ZNF804B: variants seen among roughly 807,000 people sequenced by gnomAD.
ZNF804B encodes the protein zinc finger 804B.
A neutral mutation model predicts 101.4 loss-of-function variants in ZNF804B; 80 were observed. That is an observed-to-expected ratio of 0.79 (90% CI 0.66 to 0.95). ZNF804B has a LOEUF of 0.95. Ranked by LOEUF, ZNF804B falls within the 40% of genes least tolerant of loss-of-function variation. The probability of loss-of-function intolerance (pLI) is 0.00; values close to 1 mark genes in which losing one functional copy is unlikely to be tolerated. For missense variants in ZNF804B, 1,673 were observed against 1,561.9 expected, an observed-to-expected ratio of 1.07 and a Z score of -1.20; for synonymous variants, 622 against 558.8, an observed-to-expected ratio of 1.11 and a Z score of -1.59.
At chr7:88,848,839 C>G (rs1319824547) in intron 1 of ZNF804B, among the ~76,000 whole-genome samples, 1 of 151,854 alleles carries the variant, frequency 6.6e-6, no homozygotes, top group Non-Finnish European at 1.5e-5. Context: ...CATTGCTTGA[C>G]AAAGAGATTT....
chr7:89,264,621 A>G (rs762389835), intron 2 of ZNF804B, among the ~76,000 whole-genome samples: 7 of 152,126 alleles, frequency 4.6e-5, no homozygotes, highest in Admixed American at 1.3e-4. Flanking sequence ...AGTGCCTGTT[A>G]AATATCAGGA....
At chr7:89,016,685 C>G (rs1277911853) in intron 1 of ZNF804B, among the ~76,000 whole-genome samples, 2 of 151,982 alleles carry the variant, frequency 1.3e-5, no homozygotes, top group Admixed American at 1.3e-4. Flanking sequence ...CTGTTCTGTT[C>G]CATTGATTTA....
chr7:88,913,029 G>A (rs1402604709), intron 1 of ZNF804B, among the ~76,000 whole-genome samples: 3 of 152,068 alleles, frequency 2.0e-5, no homozygotes, highest in South Asian at 4.1e-4. Context: ...AAGGTTTTTC[G>A]AAATGTCAAC....
chr7:89,203,753 G>T (rs149496608), intron 1 of ZNF804B, among the ~76,000 whole-genome samples: 3 of 152,046 alleles, frequency 2.0e-5, no homozygotes, highest in African/African-American at 7.2e-5. Context: ...AATAGCAGAC[G>T]TTCAGGAGAA....
intron 1 of ZNF804B, among the ~76,000 whole-genome samples, chr7:88,942,300 T>G (rs968202614): frequency 6.6e-6 from 1 of 151,986 alleles, no homozygotes; most frequent in African/African-American, 2.4e-5. Flanking sequence ...GTCATACAAT[T>G]GGTGCTTAGT....
intron 1 of ZNF804B, among the ~76,000 whole-genome samples, chr7:89,066,578 A>G (rs1789457575): frequency 1.3e-5 from 2 of 152,306 alleles, no homozygotes; most frequent in East Asian, 3.9e-4. Context: ...CAAACATGCT[A>G]GAAGACAGAC....
intron 1 of ZNF804B, among the ~76,000 whole-genome samples, chr7:88,827,233 G>T (rs1791062339): frequency 6.6e-6 from 1 of 151,834 alleles, no homozygotes; most frequent in East Asian, 1.9e-4. Context: ...AGTATACACA[G>T]TTTTAAAAAT....
intron 1 of ZNF804B, among the ~76,000 whole-genome samples, chr7:89,109,224 A>G (rs961506925): frequency 6.6e-6 from 1 of 152,206 alleles, no homozygotes; most frequent in African/African-American, 2.4e-5. Context: ...AAATGGAAAC[A>G]TAATGCTTGC....
chr7:88,958,796 A>G (rs1793350504), intron 1 of ZNF804B, among the ~76,000 whole-genome samples: 1 of 151,410 alleles, frequency 6.6e-6, no homozygotes, highest in Admixed American at 6.6e-5. Context: ...CTTGCTCAAG[A>G]CAAATACAGA....
chr7:88,943,004 G>C (rs992956558), intron 1 of ZNF804B, among the ~76,000 whole-genome samples: 1 of 151,788 alleles, frequency 6.6e-6, no homozygotes, highest in Non-Finnish European at 1.5e-5. Flanking sequence ...TAAATGTATG[G>C]GTGTGACTTG....
intron 1 of ZNF804B, among the ~76,000 whole-genome samples, chr7:88,869,908 A>T (rs1221014761): frequency 6.6e-6 from 1 of 152,236 alleles, no homozygotes; most frequent in Non-Finnish European, 1.5e-5. Flanking sequence ...TGTATCAGCC[A>T]GAGGTCAGCT....
chr7:89,050,684 C>A (rs1480160216), intron 1 of ZNF804B, among the ~76,000 whole-genome samples: 1 of 152,098 alleles, frequency 6.6e-6, no homozygotes, highest in Non-Finnish European at 1.5e-5. Flanking sequence ...GAAAGACCTT[C>A]CAAGAAAATA....
intron 2 of ZNF804B, among the ~76,000 whole-genome samples, chr7:89,229,553 A>C (rs1415412630): frequency 6.6e-6 from 1 of 152,230 alleles, no homozygotes; most frequent in Non-Finnish European, 1.5e-5. Context: ...ACAGAGCATG[A>C]AAATATGTGA....
chr7:89,168,858 G>T (rs1323301439), intron 1 of ZNF804B, among the ~76,000 whole-genome samples: 2 of 152,072 alleles, frequency 1.3e-5, no homozygotes, highest in Non-Finnish European at 2.9e-5. Context: ...TTACAGGCCA[G>T]TCTTTGTTCT....
chr7:88,863,476 T>C (rs1791680366), intron 1 of ZNF804B, among the ~76,000 whole-genome samples: 4 of 152,232 alleles, frequency 2.6e-5, no homozygotes, highest in South Asian at 4.1e-4. Flanking sequence ...CTTATGTCCA[T>C]GTCCATGTTA....
intron 1 of ZNF804B, among the ~76,000 whole-genome samples, chr7:89,133,054 T>C (rs6972090): frequency 0.81 from 122,758 of 151,898 alleles, 50,096 homozygotes; most frequent in African/African-American, 0.93. Context: ...CTAAGAGGGC[T>C]CTGAGATTTA....
chr7:89,268,107 A>G (rs1194221525), intron 2 of ZNF804B, among the ~76,000 whole-genome samples: 1 of 152,090 alleles, frequency 6.6e-6, no homozygotes, highest in African/African-American at 2.4e-5. Context: ...TCTTTCTCCT[A>G]TGTTTATTAA....
chr7:88,972,017 T>C (rs537422950), intron 1 of ZNF804B, among the ~76,000 whole-genome samples: 73 of 151,626 alleles, frequency 4.8e-4, no homozygotes, highest in African/African-American at 1.6e-3. Flanking sequence ...TAGTGATATA[T>C]TGAGAAATAA....
chr7:89,222,178 A>G (rs12704449), intron 2 of ZNF804B, among the ~76,000 whole-genome samples: 107,924 of 151,762 alleles, frequency 0.71, 39,044 homozygotes, highest in African/African-American at 0.77. Context: ...ATCTATGAAG[A>G]AGCAAATGAT....
Sources: allele counts gnomAD v4.1 joint callset (sites outside exome capture counted in the v4.1 genomes callset), GRCh38; gene constraint gnomAD v4.1.1; transcripts MANE v1.5; gene names NCBI Gene and HGNC (gene_info 2026-07-23, HGNC 2026-07-21).